Variants in LRRC7 observed in about 807,000 individuals in gnomAD.
LRRC7 encodes the protein leucine-rich repeat-containing protein 7.
In LRRC7, 23 loss-of-function variants were observed where a neutral mutation model predicts 175.7. That is an observed-to-expected ratio of 0.13 (90% CI 0.09 to 0.19). The LOEUF (loss-of-function observed/expected upper bound fraction) is 0.19. LRRC7 is among the 10% of genes least tolerant of loss of function. The pLI is 1.00. For synonymous variants in LRRC7, 685 were observed against 680.9 expected, an observed-to-expected ratio of 1.01 and a Z score of -0.09; for missense variants, 1,354 against 1,904.7, an observed-to-expected ratio of 0.71 and a Z score of 5.38.
intron 7 of LRRC7, among the ~76,000 whole-genome samples, chr1:69,910,464 G>T (rs919528285): frequency 7.9e-5 from 12 of 152,176 alleles, no homozygotes; most frequent in African/African-American, 2.9e-4. Context: ...GACCCTGTTT[G>T]CCTGGGTATC....
intron 2 of LRRC7, among the ~76,000 whole-genome samples, chr1:69,726,597 T>C (rs1443479804): frequency 6.6e-6 from 1 of 152,084 alleles, no homozygotes; most frequent in East Asian, 1.9e-4. Flanking sequence ...AGATCTGGGC[T>C]AAAGATGTGG....
At chr1:69,718,187 A>AAGAAAGAAAGAAAGAAAGAG (rs1557643787) in intron 2 of LRRC7, among the ~76,000 whole-genome samples, 1 of 150,534 alleles carries the variant, frequency 6.6e-6, no homozygotes, top group East Asian at 2.0e-4. Context: ...AAAGAAAAGA[A>AAGAAAGAAAGAAAGAAAGAG]AGAGAGAGAG....
chr1:70,089,845 A>G (rs778109615), intron 25 of LRRC7, 26 bp downstream of exon 25: 3 of 1,471,196 alleles, frequency 2.0e-6, no homozygotes, highest in Non-Finnish European at 2.8e-6. Context: ...CTTGTTGACA[A>G]TATTAATTAG....
chr1:69,773,183 G>T (rs994827472), intron 3 of LRRC7, among the ~76,000 whole-genome samples: 7 of 152,132 alleles, frequency 4.6e-5, no homozygotes, highest in African/African-American at 1.7e-4. Context: ...TAAGAAGAAA[G>T]GGGGAGAAAC....
chr1:69,660,775 T>C (rs1353804355), intron 1 of LRRC7, among the ~76,000 whole-genome samples: 1 of 152,070 alleles, frequency 6.6e-6, no homozygotes, highest in African/African-American at 2.4e-5. Context: ...TTTGTAAAGA[T>C]GTCTTTTGCT....
intron 7 of LRRC7, among the ~76,000 whole-genome samples, chr1:69,909,468 G>T (rs1162794163): frequency 6.6e-6 from 1 of 152,048 alleles, no homozygotes; most frequent in Non-Finnish European, 1.5e-5. Flanking sequence ...CAGGCCTGGG[G>T]GTGACAAAAT....
At chr1:70,017,032 CTT>C (rs1481019757) in intron 14 of LRRC7, among the ~76,000 whole-genome samples, 1 of 152,084 alleles carries the variant, frequency 6.6e-6, no homozygotes, top group Non-Finnish European at 1.5e-5. Flanking sequence ...AATCCCAACA[CTT>C]TGGGAGGCCG....
intron 9 of LRRC7, among the ~76,000 whole-genome samples, chr1:69,985,659 A>G (rs191219899): frequency 1.2e-3 from 177 of 152,302 alleles, no homozygotes; most frequent in African/African-American, 4.1e-3. Context: ...CCCAGCTCCT[A>G]GAAACCCTAC....
At chr1:69,641,693 T>G (rs1329644978) in intron 1 of LRRC7, among the ~76,000 whole-genome samples, 1 of 151,696 alleles carries the variant, frequency 6.6e-6, no homozygotes, top group East Asian at 1.9e-4. Context: ...GAAAAATTAA[T>G]AATTTTGTAG....
intron 18 of LRRC7, among the ~76,000 whole-genome samples, chr1:70,031,875 T>C: frequency 6.6e-6 from 1 of 151,962 alleles, no homozygotes; most frequent in East Asian, 1.9e-4. Flanking sequence ...CTCAGCTCAC[T>C]GCAACTTCCG....
rs188120647 is a variant in LRRC7, at chr1:70,073,672, A to G, written c.4231-2405A>G. On this transcript the variant is annotated intron_variant, in intron 23 of 26. Coordinates refer to ENST00000651989, the MANE Select transcript of LRRC7 (RefSeq NM_001370785.2). ...GTCTGGGTGGAAAAATGCTTTGCTT[A>G]TCTATATGATCACTTTCAATTAAAC... 3.4e-3 allele frequency among the ~76,000 whole-genome samples: 498 copies of G among 144,950 alleles called. 17 individuals carry two copies. Among genetic ancestry groups the G allele is most frequent in the Admixed American group, 0.027 (407 of 15,106 alleles).
chr1:69,736,072 T>TTTTTTAATAATAA (rs1181724216), intron 2 of LRRC7, among the ~76,000 whole-genome samples: 2 of 152,136 alleles, frequency 1.3e-5, no homozygotes, highest in East Asian at 3.8e-4. Flanking sequence ...CATTGTTCCA[T>TTTTTTAATAATAA]TTTTTAATAA....
At chr1:70,063,729 A>C (rs1464591537) in intron 23 of LRRC7, among the ~76,000 whole-genome samples, 1 of 152,058 alleles carries the variant, frequency 6.6e-6, no homozygotes, top group Admixed American at 6.6e-5. Flanking sequence ...CATTTTGGGA[A>C]TATATGTCAG....
At chr1:70,023,835 T>C (rs1482570965) in intron 17 of LRRC7, among the ~76,000 whole-genome samples, 2 of 152,130 alleles carry the variant, frequency 1.3e-5, no homozygotes, top group African/African-American at 2.4e-5. Context: ...GAGTGGCCTT[T>C]AAGCACAAAG....
chr1:69,935,621 G>A (rs1647928507), intron 8 of LRRC7, among the ~76,000 whole-genome samples: 1 of 152,038 alleles, frequency 6.6e-6, no homozygotes. Flanking sequence ...TGTGTTTCCT[G>A]TTTTGTGAAA....
At chr1:69,825,610 C>A in intron 4 of LRRC7, 138 bp from the exon 5 acceptor site, 1 of 400,764 alleles carries the variant, frequency 2.5e-6, no homozygotes, top group Non-Finnish European at 4.5e-6. Context: ...GTTTTTATTT[C>A]TACTTAAATG....
At chr1:69,707,107 A>C (rs1261053289) in intron 2 of LRRC7, among the ~76,000 whole-genome samples, 1 of 152,266 alleles carries the variant, frequency 6.6e-6, no homozygotes, top group Admixed American at 6.5e-5. Context: ...AATGATGATG[A>C]TTAATGAGGA....
intron 1 of LRRC7, among the ~76,000 whole-genome samples, chr1:69,581,443 G>A (rs1452905484): frequency 2.6e-5 from 4 of 152,166 alleles, no homozygotes; most frequent in Non-Finnish European, 4.4e-5. Context: ...GCTAACAAAA[G>A]AAAGTGTGGT....
chr1:69,996,670 T>G lies in LRRC7; in HGVS notation c.1004+2037T>G, dbSNP rs61782623. On this transcript the variant is annotated intron_variant, in intron 11 of 26. Coordinates refer to ENST00000651989, the MANE Select transcript of LRRC7 (RefSeq NM_001370785.2). ...TTAAATAGGGAATCCTTTCCCCATT[T>G]CTTGTTTTTCTCAGGTTTGTCAAAG... Among the ~76,000 whole-genome samples, 68 of 152,150 alleles carry G rather than the reference T, an allele frequency of 4.5e-4. No homozygotes were observed. The Middle Eastern group carries it at 0.014, about 30-fold the overall frequency.
Sources: gnomAD v4.1 joint callset for allele counts (sites outside exome capture counted in the v4.1 genomes callset) on GRCh38, gnomAD v4.1.1 for gene constraint, MANE v1.5 for transcripts, NCBI Gene and HGNC (gene_info 2026-07-23, HGNC 2026-07-21) for gene names.